KIF26B: variants seen among roughly 807,000 people sequenced by gnomAD.
KIF26B encodes kinesin family member 26B, also known as kinesin-like protein KIF26B.
In KIF26B, 63 loss-of-function variants were observed where a neutral mutation model predicts 151.2. That is an observed-to-expected ratio of 0.42 (90% CI 0.34 to 0.51). KIF26B has a LOEUF of 0.51. KIF26B is among the 20% of genes least tolerant of loss of function. The pLI, the probability that KIF26B is intolerant of heterozygous loss-of-function variation, is 0.07. For synonymous variants in KIF26B, 1,357 were observed against 1,262.1 expected (o/e 1.08, Z -1.59); for missense variants, 2,813 against 2,913.6 (o/e 0.97, Z 0.79).
At chr1:245,201,236 C>T (rs978354920) in intron 2 of KIF26B, among the ~76,000 whole-genome samples, 12 of 152,122 alleles carry the variant, frequency 7.9e-5, no homozygotes, top group African/African-American at 4.8e-5. Flanking sequence ...AAGTTAAACA[C>T]GCAACAAATA....
chr1:245,347,363 A>G (rs1672476419), intron 2 of KIF26B, among the ~76,000 whole-genome samples: 1 of 151,302 alleles, frequency 6.6e-6, no homozygotes, highest in Non-Finnish European at 1.5e-5. Context: ...CCCAGGCTGG[A>G]GCGTAGTGGC....
rs779033703 is a variant in KIF26B, at chr1:245,685,660, G to C, written c.2677G>C (p.Val893Leu). Reference protein sequence around the residue: ...NEGPPDFVPIVPALQKTRGDS... With the variant: ...NEGPPDFVPILPALQKTRGDS... ...GGGCCCCCCAGACTTTGTCCCTATCGTGCCAGCCCTGCAGAAGACCCGGGG... is the reference window on the plus strand; with the variant it reads ...GGGCCCCCCAGACTTTGTCCCTATCCTGCCAGCCCTGCAGAAGACCCGGGG... The change falls in exon 12 of 15, where the codon GTG (valine) becomes CTG (leucine). Residue 893 changes from valine to leucine, a missense_variant. By Grantham distance (32) the Val-to-Leu change is conservative. Transcript: ENST00000407071. 15 of 1,613,080 alleles carry C rather than the reference G, an allele frequency of 9.3e-6. No individual in the cohort carries two copies. Among genetic ancestry groups the C allele is most frequent in the Non-Finnish European group, 1.3e-5 (15 of 1,179,808 alleles).
At chr1:245,598,337 T>C (rs1318218477) in intron 5 of KIF26B, among the ~76,000 whole-genome samples, 3 of 152,142 alleles carry the variant, frequency 2.0e-5, no homozygotes, top group Admixed American at 1.3e-4. Context: ...CACCTTCTTA[T>C]CATCTGTAGT....
chr1:245,379,977 A>G (rs555972187), intron 3 of KIF26B, among the ~76,000 whole-genome samples: 1 of 151,548 alleles, frequency 6.6e-6, no homozygotes, highest in South Asian at 2.1e-4. Flanking sequence ...TCTCAAAAAA[A>G]AAAAAAAAAA....
At chr1:245,234,066 C>A (rs1349736193) in intron 2 of KIF26B, among the ~76,000 whole-genome samples, 3 of 151,816 alleles carry the variant, frequency 2.0e-5, no homozygotes, top group Admixed American at 6.6e-5. Context: ...CACCTGTAAT[C>A]CCAGCTGCTC....
intron 4 of KIF26B, among the ~76,000 whole-genome samples, chr1:245,485,010 G>A (rs1055176187): frequency 6.6e-6 from 1 of 152,100 alleles, no homozygotes; most frequent in Non-Finnish European, 1.5e-5. Flanking sequence ...AAACTGTGGG[G>A]TATACATGGA....
At chr1:245,162,839 GTGAT>G (rs370493596) in intron 2 of KIF26B, among the ~76,000 whole-genome samples, 8 of 152,188 alleles carry the variant, frequency 5.3e-5, no homozygotes, top group African/African-American at 1.9e-4. Flanking sequence ...TTGGAAATGA[GTGAT>G]TGTTAAAAAG....
chr1:245,521,133 C>G (rs1011959244), intron 4 of KIF26B, among the ~76,000 whole-genome samples: 4 of 152,070 alleles, frequency 2.6e-5, no homozygotes, highest in Non-Finnish European at 5.9e-5. Flanking sequence ...GTCAGGAGAT[C>G]AAGACCATCC....
chr1:245,197,463 T>G (rs1449687954), intron 2 of KIF26B, among the ~76,000 whole-genome samples: 1 of 152,126 alleles, frequency 6.6e-6, no homozygotes, highest in Non-Finnish European at 1.5e-5. Flanking sequence ...TTATTTTAAT[T>G]CAATATAATT....
intron 6 of KIF26B, among the ~76,000 whole-genome samples, chr1:245,607,066 CAAAAAAA>C (rs35411674): frequency 1.4e-5 from 1 of 72,702 alleles, no homozygotes; most frequent in Non-Finnish European, 2.8e-5. Context: ...AACTCCGTCT[CAAAAAAA>C]AAAAAAAAAA....
chr1:245,418,338 A>G (rs1446512537), intron 3 of KIF26B, among the ~76,000 whole-genome samples: 2 of 152,224 alleles, frequency 1.3e-5, no homozygotes, highest in African/African-American at 4.8e-5. Context: ...TAATGCGTTA[A>G]ATGAATGAGA....
chr1:245,155,393 AC>A lies in KIF26B; in HGVS notation c.-30del. The A allele has an allele frequency of 6.3e-7, 1 of 1,580,524 alleles. No individual in the cohort carries two copies. The highest frequency in any genetic ancestry group is 8.6e-7 in the Non-Finnish European group (1 of 1,156,624). ...ACCTTCTGGATGTAGCGTCGGTGGA[AC>A]CTTTAGATACTCTCCTCTGGAAAAG... On this transcript the variant is annotated 5_prime_UTR_variant, in exon 1 of 15. Transcript: ENST00000407071.
intron 9 of KIF26B, among the ~76,000 whole-genome samples, chr1:245,630,455 C>T (rs780038426): frequency 2.0e-5 from 3 of 152,088 alleles, no homozygotes; most frequent in Non-Finnish European, 2.9e-5. Flanking sequence ...AGCTGGAAGC[C>T]GTCATCCTCA....
chr1:245,591,913 C>T (rs528061771), intron 5 of KIF26B, among the ~76,000 whole-genome samples: 38 of 152,344 alleles, frequency 2.5e-4, no homozygotes, highest in African/African-American at 8.7e-4. Context: ...CGGCCATTAG[C>T]AGTGCCTCAC....
intron 4 of KIF26B, among the ~76,000 whole-genome samples, chr1:245,449,715 C>T (rs1228148308): frequency 6.6e-6 from 1 of 152,166 alleles, no homozygotes; most frequent in Non-Finnish European, 1.5e-5. Flanking sequence ...TTATGGAATT[C>T]TGTAATCAAG....
intron 2 of KIF26B, among the ~76,000 whole-genome samples, chr1:245,331,849 A>G (rs1178481311): frequency 6.6e-6 from 1 of 152,132 alleles, no homozygotes; most frequent in African/African-American, 2.4e-5. Context: ...TCAGGAGGCC[A>G]GGCGTGGTGG....
rs776783843 is a variant in KIF26B, at chr1:245,704,203, T to G, written c.*1597T>G. 3 of 152,270 alleles carry G rather than the reference T, an allele frequency of 2.0e-5. No homozygotes were observed. The highest frequency in any genetic ancestry group is 4.8e-5 in the African/African-American group (2 of 41,462). The allele number at this position is 152,270 out of a possible 1,614,324, so 9.4% of individuals were successfully genotyped here. ...TAGGCGTGTGCAGAGCACGCTTCCC[T>G]TTTGCCCTCAAATGCAGCATATCTT... On this transcript the variant is annotated 3_prime_UTR_variant, in exon 15 of 15. Transcript: ENST00000407071.
intron 2 of KIF26B, among the ~76,000 whole-genome samples, chr1:245,277,406 A>ATTTC (rs1670958873): frequency 6.6e-6 from 1 of 151,982 alleles, no homozygotes; most frequent in South Asian, 2.1e-4. Flanking sequence ...TTGACTAGGG[A>ATTTC]TTTCTGTTCA....
intron 10 of KIF26B, among the ~76,000 whole-genome samples, chr1:245,652,140 GT>G (rs1558252868): frequency 3.9e-4 from 52 of 132,470 alleles, no homozygotes; most frequent in African/African-American, 1.3e-3. Context: ...GTGTGTGTGT[GT>G]GTGTGAGAGA....
Sources: gnomAD v4.1 joint callset for allele counts (sites outside exome capture counted in the v4.1 genomes callset) on GRCh38, gnomAD v4.1.1 for gene constraint, MANE v1.5 for transcripts, NCBI Gene and HGNC (gene_info 2026-07-23, HGNC 2026-07-21) for gene names.